TPRN: variants seen among roughly 807,000 people sequenced by gnomAD.
TPRN encodes the protein taperin.
A neutral mutation model predicts 42.6 loss-of-function variants in TPRN; 32 were observed. The observed-to-expected ratio is 0.75, with a 90% CI of 0.57 to 1.01. The LOEUF (loss-of-function observed/expected upper bound fraction) is 1.01. TPRN is among the 50% of genes least tolerant of loss of function. The probability of loss-of-function intolerance (pLI) is 0.00; values close to 1 mark genes in which losing one functional copy is unlikely to be tolerated. For synonymous variants in TPRN, 541 were observed against 445.6 expected, an observed-to-expected ratio of 1.21 and a Z score of -2.70; for missense variants, 1,095 against 957.5, an observed-to-expected ratio of 1.14 and a Z score of -1.90.
At chr9:137,198,153 CCT>C in intron 1 of TPRN, among the ~76,000 whole-genome samples, 2 of 152,348 alleles carry the variant, frequency 1.3e-5, no homozygotes, top group East Asian at 3.9e-4. Flanking sequence ...AGGCGCCCCC[CCT>C]CAGTCCCCAG....
chr9:137,199,809 C>T lies in TPRN; in HGVS notation c.903G>A (p.Pro301=), dbSNP rs1000547607. The change falls in exon 1 of 4, where the codon CCG becomes CCA. Residue 301 remains proline (P), a synonymous_variant. Transcript: ENST00000409012. ...TGGTCTCCATAACTGGCTTGGGGGC[C>T]GGCCGTATCTCGAAGGAGTCGTTGG... The part of the protein sequence containing the change: ...TSTNDSFEIR[P]APKPVMETIP... 5.0e-6 allele frequency: 8 copies of T among 1,596,882 alleles called. No individual in the cohort carries two copies. Among genetic ancestry groups the T allele is most frequent in the Non-Finnish European group, 6.8e-6 (8 of 1,172,250 alleles).
In TPRN at chr9:137,199,702, C is replaced by T. The variant is rs763659938; in HGVS notation, c.1010G>A (p.Ser337Asn). ...AGGAGGAGGAGCCCCGGAGGCCTTG[C>T]TCTTGGGGATGACCATGAAAGAATT... is the stretch of plus-strand genomic sequence containing the variant. ...SRNSFMVIPKSKASGAPPPEG... is the reference protein window; with the variant it reads ...SRNSFMVIPKNKASGAPPPEG... The change falls in exon 1 of 4, where the codon AGC becomes AAC. Residue 337 changes from serine (S) to asparagine (N), a missense_variant. Coordinates refer to ENST00000409012, the MANE Select transcript of TPRN (RefSeq NM_001128228.3). 2 of 1,610,466 alleles carry T rather than the reference C, an allele frequency of 1.2e-6. No individual in the cohort carries two copies. Among genetic ancestry groups the T allele is most frequent in the South Asian group, 1.1e-5 (1 of 90,490 alleles).
In TPRN at chr9:137,200,546, GC is replaced by G; in HGVS notation, c.165del (p.Leu56CysfsTer394). ...EQRVLAESLG[P>X]LRENPFMLLE... ...AGCAGCATGAACGGGTTCTCGCGCA[GC>G]GGGCCCAGGCTCTCGGCCAGCACCC... On this transcript the variant is annotated frameshift_variant, in exon 1 of 4. Transcript: ENST00000409012. LOFTEE classifies it high-confidence loss of function. This position sits in a 1 kb window ranked among gnomAD's most constrained non-coding sequence, Gnocchi z 4.3. 8.6e-7 allele frequency: 1 copy of G among 1,160,000 alleles called. No individual in the cohort carries two copies. The highest frequency in any genetic ancestry group is 1.1e-6 in the Non-Finnish European group (1 of 943,930). The allele number at this position is 1,160,000 out of a possible 1,614,324, so 71.9% of individuals were successfully genotyped here.
Position 137,192,096 on chromosome 9 carries a change from C to T in TPRN, c.*16G>A, listed in dbSNP as rs1304883907. 1 of 1,611,610 alleles carries T rather than the reference C, an allele frequency of 6.2e-7. No individual in the cohort carries two copies. Among genetic ancestry groups the T allele is most frequent in the East Asian group, 2.2e-5 (1 of 44,888 alleles). ...TCCCACAGCTGGGCTCAGCCTTGGT[C>T]CTGGCAGTGCTGGGCTCAGAAATAC... On this transcript the variant is annotated 3_prime_UTR_variant, in exon 4 of 4. Coordinates refer to ENST00000409012, the MANE Select transcript of TPRN (RefSeq NM_001128228.3).
At chr9:137,192,816 TC>T (rs1834647603) in intron 1 of TPRN, 125 bp from the exon 2 acceptor site, 2 of 1,026,042 alleles carry the variant, frequency 1.9e-6, no homozygotes, top group Non-Finnish European at 2.9e-6. Flanking sequence ...CATCAACCGT[TC>T]CGGGGGCTCC....
In TPRN at chr9:137,200,736, T is replaced by G; in HGVS notation, c.-25A>C. ...TGCTGCGAACGCGGCAGCGGACGGC[T>G]GGACTGAGGGCCGGAGTGGCAGCCG... On this transcript the variant is annotated 5_prime_UTR_variant, in exon 1 of 4. Transcript: ENST00000409012. The surrounding 1 kb of genome is among the most constrained non-coding windows in gnomAD (Gnocchi z 4.3). 9 of 1,100,692 alleles carry G rather than the reference T, an allele frequency of 8.2e-6. No homozygotes were observed. The highest frequency in any genetic ancestry group is 1.0e-5 in the Non-Finnish European group (9 of 903,260). 68.2% of individuals were successfully genotyped at this position (1,100,692 alleles called of 1,614,324 possible).
At chr9:137,194,198 C>G (rs1564383948) in intron 1 of TPRN, 1 of 152,398 alleles carries the variant, frequency 6.6e-6, no homozygotes, top group South Asian at 2.1e-4. Context: ...GCTCCTGTCC[C>G]TTAACTGCCC....
At position 137,199,150 on chromosome 9, in the gene TPRN, TTGGCC is replaced by T; in HGVS notation, c.1557_1561del (p.Ala520GlnfsTer14). Reference sequence around the variant, plus strand: ...GGCCTCCCGTGGCCGAGGCTCCCTGTTGGCCTGACTGAAGTGCTGGTCCTGCAGAG... The same window carrying T: ...GGCCTCCCGTGGCCGAGGCTCCCTGTTGACTGAAGTGCTGGTCCTGCAGAG... On this transcript the variant is annotated frameshift_variant, in exon 1 of 4. Coordinates refer to ENST00000409012, the MANE Select transcript of TPRN (RefSeq NM_001128228.3). LOFTEE classifies it high-confidence loss of function. The T allele has an allele frequency of 1.2e-6, 2 of 1,613,222 alleles. No homozygotes were observed. The highest frequency in any genetic ancestry group is 1.7e-6 in the Non-Finnish European group (2 of 1,180,024).
chr9:137,199,894 G>T lies in TPRN; in HGVS notation c.818C>A (p.Ala273Asp). 1 of 1,531,034 alleles carries T rather than the reference G, an allele frequency of 6.5e-7. No individual in the cohort carries two copies. The allele number at this position is 1,531,034 out of a possible 1,614,324, so 94.8% of individuals were successfully genotyped here. A position where few individuals can be genotyped will look rare whatever the true frequency, so the allele number is the denominator to read the frequency against. ...AGGAGTGGCACTGGCAGGGGGTGAG[G>T]CTGGAGTGGCACTCGGGGTCCCGGG... ...PSPGTPSATP[A>D]SPPASATPSQ... The change falls in exon 1 of 4, where the codon GCC becomes GAC. Residue 273 changes from alanine (A) to aspartate (D), a missense_variant. Coordinates refer to ENST00000409012, the MANE Select transcript of TPRN (RefSeq NM_001128228.3).
rs770018585 is a variant in TPRN, at chr9:137,199,070, T to G, written c.1642A>C (p.Thr548Pro). 3 of 1,613,268 alleles carry G rather than the reference T, an allele frequency of 1.9e-6. No individual in the cohort carries two copies. The highest frequency in any genetic ancestry group is 4.5e-5 in the East Asian group (2 of 44,884). Residue 548 changes from threonine to proline, a missense_variant, in exon 1 of 4, where the codon ACC (threonine) becomes CCC (proline). Thr to Pro is a conservative substitution (Grantham distance 38). Transcript: ENST00000409012. ...LGPTLKKRYP[T>P]VHEIEVIGGY... is the part of the protein sequence containing the mutation. ...CCAATCACCTCGATCTCATGCACGG[T>G]GGGGTAGCGCTTCTTCAACGTGGGC...
intron 1 of TPRN, chr9:137,194,298 C>T (rs1403476510): frequency 2.6e-5 from 4 of 152,448 alleles, no homozygotes; most frequent in African/African-American, 9.6e-5. Context: ...CAGGCACCCA[C>T]CCACTGCCAG....
intron 1 of TPRN, chr9:137,194,226 A>G (rs1588772791): frequency 6.6e-6 from 1 of 152,368 alleles, no homozygotes; most frequent in East Asian, 1.9e-4. Context: ...GGCTAGGCCC[A>G]CCTGGCCCTC....
chr9:137,193,003 C>T, intron 1 of TPRN: 2 of 425,336 alleles, frequency 4.7e-6, no homozygotes, highest in East Asian at 4.6e-5. Context: ...CATCTCAGGC[C>T]CCTCCTGCTC....
At chr9:137,198,156 C>T (rs1325620205) in intron 1 of TPRN, among the ~76,000 whole-genome samples, 1 of 152,218 alleles carries the variant, frequency 6.6e-6, no homozygotes, top group Admixed American at 6.5e-5. Flanking sequence ...CGCCCCCCCT[C>T]AGTCCCCAGG....
Position 137,199,802 on chromosome 9 carries a change from T to G in TPRN, c.910A>C (p.Lys304Gln), listed in dbSNP as rs758620993. The G allele has an allele frequency of 6.3e-7, 1 of 1,599,006 alleles. No individual in the cohort carries two copies. The highest frequency in any genetic ancestry group is 8.5e-7 in the Non-Finnish European group (1 of 1,173,872). ...NDSFEIRPAP[K>Q]PVMETIPLGD... Reference sequence around the variant, plus strand: ...AAGGGGATGGTCTCCATAACTGGCTTGGGGGCCGGCCGTATCTCGAAGGAG... The same window carrying G: ...AAGGGGATGGTCTCCATAACTGGCTGGGGGGCCGGCCGTATCTCGAAGGAG... Residue 304 changes from lysine (K) to glutamine (Q), a missense_variant, in exon 1 of 4, where the codon AAG (lysine) becomes CAG (glutamine). By Grantham distance (53) the Lys-to-Gln change is moderately conservative (BLOSUM62 1). Transcript: ENST00000409012.
intron 1 of TPRN, among the ~76,000 whole-genome samples, chr9:137,197,535 T>C (rs750431973): frequency 1.6e-4 from 25 of 152,158 alleles, no homozygotes; most frequent in Non-Finnish European, 2.8e-4. Flanking sequence ...CTGAACTCCG[T>C]ACTCGCCCCA....
rs145556855 is a variant in TPRN at position 137,192,511 on chromosome 9, G to A, written c.1906C>T (p.Arg636Trp). 701 of 1,605,976 alleles carry A rather than the reference G, an allele frequency of 4.4e-4. No homozygotes were observed. Among genetic ancestry groups the A allele is most frequent in the Non-Finnish European group, 5.6e-4 (660 of 1,176,634 alleles). ...CTCACGCTGCTCACAAACGTGGCCC[G>A]GGGCAGGAAGAGTGCAAAGGGCTTC... ...EEKPFALFLP[R>W]ATFVSSVRPE... The change falls in exon 2 of 4, where the codon CGG becomes TGG. Residue 636 changes from arginine (R) to tryptophan (W), a missense_variant. Coordinates refer to ENST00000409012, the MANE Select transcript of TPRN (RefSeq NM_001128228.3).
Position 137,199,245 on chromosome 9 carries a change from G to A in TPRN, c.1467C>T (p.Cys489=), listed in dbSNP as rs748612682. 5.5e-5 allele frequency: 88 copies of A among 1,612,740 alleles called. No individual in the cohort carries two copies. Among genetic ancestry groups the A allele is most frequent in the Non-Finnish European group, 6.9e-5 (81 of 1,180,006 alleles). ...TGCCCCGGGGCTGAAGCTCTGCCACGCACCCGGGCCTGGCAGGGTGCAGAG... is the reference window on the plus strand; with the variant it reads ...TGCCCCGGGGCTGAAGCTCTGCCACACACCCGGGCCTGGCAGGGTGCAGAG... ...ARPLHPARPG[C]VAELQPRGSN... The change falls in exon 1 of 4, where the codon TGC becomes TGT. Residue 489 remains cysteine, a synonymous_variant. Transcript: ENST00000409012.
At position 137,199,276 on chromosome 9, in the gene TPRN, G is replaced by A. The variant is rs1292511735; in HGVS notation, c.1436C>T (p.Ala479Val). 6.2e-7 allele frequency: 1 copy of A among 1,612,510 alleles called. No homozygotes were observed. Among genetic ancestry groups the A allele is most frequent in the East Asian group, 2.2e-5 (1 of 44,884 alleles). Reference protein sequence around the residue: ...AAKLPYLPHPARPLHPARPGC... With the variant: ...AAKLPYLPHPVRPLHPARPGC... ...GGGCCTGGCAGGGTGCAGAGGCCTG[G>A]CAGGGTGCGGGAGGTAGGGTAGTTT... Residue 479 changes from alanine (A) to valine (V), a missense_variant, in exon 1 of 4, where the codon GCC becomes GTC. Ala to Val is a moderately conservative substitution (Grantham distance 64). Coordinates refer to ENST00000409012, the MANE Select transcript of TPRN (RefSeq NM_001128228.3).
Sources: gnomAD v4.1 joint callset for allele counts (sites outside exome capture counted in the v4.1 genomes callset) on GRCh38, gnomAD v4.1.1 for gene constraint, Gnocchi (gnomAD v3.1) non-coding constraint, MANE v1.5 for transcripts, NCBI Gene and HGNC (gene_info 2026-07-23, HGNC 2026-07-21) for gene names.